The following ARHGAP23 variants were observed in gnomAD, a reference collection of about 807,000 sequenced individuals.
ARHGAP23 encodes the protein rho GTPase-activating protein 23.
Under a neutral mutation model 136.3 loss-of-function variants are expected in ARHGAP23, and 34 were observed. The observed-to-expected ratio is 0.25, with a 90% CI of 0.19 to 0.33. The LOEUF is 0.33. Among genes scored for constraint, ARHGAP23 ranks in the 10% least tolerant of loss-of-function variants. ARHGAP23 has a pLI of 1.00. For synonymous variants in ARHGAP23, 832 were observed against 920.5 expected (o/e 0.90, Z 1.74); for missense variants, 1,808 against 2,139.0 (o/e 0.85, Z 3.05).
Position 38,490,115 on chromosome 17 carries a change from C to T in ARHGAP23, c.3000C>T (p.Asp1000=). 6.4e-7 allele frequency: 1 copy of T among 1,551,766 alleles called. No homozygotes were observed. The highest frequency in any genetic ancestry group is 8.7e-7 in the Non-Finnish European group (1 of 1,146,874). Reference sequence around the variant, plus strand: ...GCTGTGTTCTAGACAAATACAACGACTTCATCGAGGCCAACCGCATTGAGG... The same window carrying T: ...GCTGTGTTCTAGACAAATACAACGATTTCATCGAGGCCAACCGCATTGAGG... ...EPLFTDDKYN[D]FIEANRIEDA... is the part of the protein sequence containing the mutation. The change falls in exon 18 of 24, where the codon GAC becomes GAT. Residue 1000 remains aspartate (D), a synonymous_variant. Transcript: ENST00000622683.
At chr17:38,470,945 T>C (rs972660488) in intron 10 of ARHGAP23, among the ~76,000 whole-genome samples, 2 of 151,350 alleles carry the variant, frequency 1.3e-5, no homozygotes, top group Non-Finnish European at 2.9e-5. Context: ...TTTTCATGCA[T>C]GATTTTTCTT....
At chr17:38,463,771 C>G (rs2039516669) in intron 6 of ARHGAP23, among the ~76,000 whole-genome samples, 1 of 152,120 alleles carries the variant, frequency 6.6e-6, no homozygotes, top group African/African-American at 2.4e-5. Flanking sequence ...GAACACTGCT[C>G]AGCACACTGC....
chr17:38,509,040 CA>C (rs2040695475), intron 23 of ARHGAP23, among the ~76,000 whole-genome samples: 1 of 24,036 alleles, frequency 4.2e-5, no homozygotes, highest in African/African-American at 1.7e-4. Context: ...CAGGGGAAGG[CA>C]GGGGCGGGGC....
rs1193843140 is a variant in ARHGAP23 at position 38,477,674 on chromosome 17, G to A, written c.2214G>A (p.Pro738=). ...GCAAGGAGCGGCGGGAGCCCGGGCCGGCGGCGGCGGGGGCTGCGGCGGCCG... is the reference window on the plus strand; with the variant it reads ...GCAAGGAGCGGCGGGAGCCCGGGCCAGCGGCGGCGGGGGCTGCGGCGGCCG... ...SLSKERREPG[P]AAAGAAAAGA... Residue 738 remains proline, a synonymous_variant, in exon 12 of 24, where the codon CCG becomes CCA. Transcript: ENST00000622683. This position sits in a 1 kb window ranked among gnomAD's most constrained non-coding sequence, Gnocchi z 6.6. 18 of 1,297,802 alleles carry A rather than the reference G, an allele frequency of 1.4e-5. No homozygotes were observed. The highest frequency in any genetic ancestry group is 1.7e-5 in the Non-Finnish European group (17 of 1,021,200). 80.4% of individuals were successfully genotyped at this position (1,297,802 alleles called of 1,614,324 possible). A position where few individuals can be genotyped will look rare whatever the true frequency, so the allele number is the denominator to read the frequency against.
At chr17:38,444,962 C>A (rs2038999458) in intron 1 of ARHGAP23, among the ~76,000 whole-genome samples, 1 of 151,912 alleles carries the variant, frequency 6.6e-6, no homozygotes, top group Non-Finnish European at 1.5e-5. Flanking sequence ...GGATTACAGG[C>A]ACCTGACATC....
chr17:38,472,570 G>C (rs1014357714), intron 11 of ARHGAP23, among the ~76,000 whole-genome samples: 8 of 151,862 alleles, frequency 5.3e-5, no homozygotes, highest in Admixed American at 3.9e-4. Flanking sequence ...AGGGGGCTTC[G>C]GGGAGTAGTT....
chr17:38,475,306 A>C (rs1713960808), intron 11 of ARHGAP23, among the ~76,000 whole-genome samples: 1 of 151,950 alleles, frequency 6.6e-6, no homozygotes, highest in Admixed American at 6.6e-5. Flanking sequence ...CAACTCTCTC[A>C]CTCATTTACC....
intron 1 of ARHGAP23, among the ~76,000 whole-genome samples, chr17:38,445,632 T>A (rs1182394062): frequency 7.2e-6 from 1 of 138,988 alleles, no homozygotes; most frequent in African/African-American, 2.9e-5. Flanking sequence ...TATTTATTCA[T>A]TCATTCCTTT....
chr17:38,510,184 A>G lies in ARHGAP23; in HGVS notation c.3688A>G (p.Ser1230Gly), dbSNP rs1306116092. 7.5e-7 allele frequency: 1 copy of G among 1,339,490 alleles called. No individual in the cohort carries two copies. The highest frequency in any genetic ancestry group is 3.3e-5 in the Admixed American group (1 of 30,286). The allele number at this position is 1,339,490 out of a possible 1,614,324, so 83.0% of individuals were successfully genotyped here. ...CGCCCCCGAGGCCCCCGGACGCCTC[A>G]GTCCCCCGGCGGCGCCGGAGGAGCG... is the stretch of plus-strand genomic sequence containing the variant. The part of the protein sequence containing the change: ...AVAPEAPGRL[S>G]PPAAPEERPA... Residue 1230 changes from serine to glycine, a missense_variant, in exon 24 of 24, where the codon AGT (serine) becomes GGT (glycine). Physicochemically the swap from Ser to Gly is moderately conservative, Grantham distance 56. Transcript: ENST00000622683. The surrounding 1 kb of genome is among the most constrained non-coding windows in gnomAD (Gnocchi z 4.6).
At chr17:38,430,662 T>C (rs1372930825) in intron 1 of ARHGAP23, among the ~76,000 whole-genome samples, 2 of 152,162 alleles carry the variant, frequency 1.3e-5, no homozygotes, top group Admixed American at 6.5e-5. Context: ...GGAGAACTTC[T>C]AGGGAGGGGC....
upstream of ARHGAP23, among the ~76,000 whole-genome samples, chr17:38,427,462 GAA>G (rs11408302): frequency 6.9e-6 from 1 of 144,700 alleles, no homozygotes; most frequent in Admixed American, 6.9e-5. Flanking sequence ...AGACCCTGCC[GAA>G]AAAAAAAAAA....
chr17:38,453,289 G>C (rs1422335671), intron 1 of ARHGAP23, among the ~76,000 whole-genome samples: 2 of 151,962 alleles, frequency 1.3e-5, no homozygotes, highest in Non-Finnish European at 2.9e-5. Context: ...TAGGGTGAGT[G>C]TGTGTGGGCA....
At chr17:38,430,357 C>T (rs2038659634) in intron 1 of ARHGAP23, among the ~76,000 whole-genome samples, 1 of 151,946 alleles carries the variant, frequency 6.6e-6, no homozygotes, top group Admixed American at 6.6e-5. Flanking sequence ...TTGTGTGGAT[C>T]CCAGCCCAAG....
intron 6 of ARHGAP23, among the ~76,000 whole-genome samples, chr17:38,464,919 G>A (rs773927725): frequency 9.8e-5 from 15 of 152,310 alleles, no homozygotes; most frequent in Non-Finnish European, 1.9e-4. Context: ...AGCTGCTGAC[G>A]CCACCACCGA....
At chr17:38,421,579 G>C (rs190091806) in intron 1 of ARHGAP23, among the ~76,000 whole-genome samples, 1 of 152,240 alleles carries the variant, frequency 6.6e-6, no homozygotes, top group African/African-American at 2.4e-5. Context: ...GTGAGCCGCC[G>C]ATGTGTCTGT....
intron 10 of ARHGAP23, among the ~76,000 whole-genome samples, chr17:38,470,222 C>T (rs895386453): frequency 3.9e-5 from 6 of 152,228 alleles, no homozygotes; most frequent in African/African-American, 1.2e-4. Context: ...AAATTCCAGC[C>T]TCCGCTCCTG....
Position 38,466,485 on chromosome 17 carries a change from C to A in ARHGAP23, c.802C>A (p.Arg268Ser). Residue 268 changes from arginine (R) to serine (S), a missense_variant, in exon 7 of 24, where the codon CGT (arginine) becomes AGT (serine). Arg to Ser is a moderately radical substitution (Grantham distance 110). This residue lies in a region of ARHGAP23 where 859 missense variants were observed against 936.4 expected (regional missense o/e 0.92). Coordinates refer to ENST00000622683, the MANE Select transcript of ARHGAP23 (RefSeq NM_001199417.2). ...CCTCTCCTCGGAGCCCCGGACGCCC[C>A]GTGCCTTCCCAGAGCCTGGCAGCCG... ...PHLSSEPRTPRAFPEPGSRVP... is the reference protein window; with the variant it reads ...PHLSSEPRTPSAFPEPGSRVP... 6.6e-7 allele frequency: 1 copy of A among 1,512,944 alleles called. No homozygotes were observed. The allele number at this position is 1,512,944 out of a possible 1,614,324, so 93.7% of individuals were successfully genotyped here. A position where few individuals can be genotyped will look rare whatever the true frequency, so the allele number is the denominator to read the frequency against.
At chr17:38,431,803 G>A (rs1043007734) in intron 1 of ARHGAP23, among the ~76,000 whole-genome samples, 7 of 152,114 alleles carry the variant, frequency 4.6e-5, no homozygotes, top group Non-Finnish European at 1.0e-4. Flanking sequence ...CCTCAGCCTC[G>A]GCAGACAAGG....
chr17:38,463,452 C>T (rs1401750526), intron 6 of ARHGAP23, 70 bp downstream of exon 6: 3 of 1,523,810 alleles, frequency 2.0e-6, no homozygotes, highest in African/African-American at 2.8e-5. Flanking sequence ...CCCTGGGAGG[C>T]AGAGAAGGAA....
Sources: gnomAD v4.1 joint callset for allele counts (sites outside exome capture counted in the v4.1 genomes callset) on GRCh38, gnomAD v4.1.1 for gene constraint, gnomAD v4.1.1 regional missense constraint, Gnocchi (gnomAD v3.1) non-coding constraint, MANE v1.5 for transcripts, NCBI Gene and HGNC (gene_info 2026-07-23, HGNC 2026-07-21) for gene names.